Variants in PUS7 observed in about 807,000 individuals in gnomAD.
The protein encoded by PUS7 is pseudouridylate synthase 7 homolog.
Under a neutral mutation model 79.8 loss-of-function variants are expected in PUS7, and 48 were observed. The ratio of observed to expected loss-of-function variants is 0.60; its 90% CI spans 0.48 to 0.76. The LOEUF (loss-of-function observed/expected upper bound fraction) is 0.76, where lower values mean the gene tolerates loss of function less well. Among genes scored for constraint, PUS7 ranks in the 30% least tolerant of loss-of-function variants. The pLI is 0.00. For missense variants in PUS7, 729 were observed against 797.6 expected (o/e 0.91, Z 1.04); for synonymous variants, 286 against 272.2 (o/e 1.05, Z -0.50).
chr7:105,499,779 T>C (rs902028793), intron 5 of PUS7, among the ~76,000 whole-genome samples: 2 of 152,218 alleles, frequency 1.3e-5, no homozygotes, highest in Non-Finnish European at 2.9e-5. Flanking sequence ...TAACAATTTC[T>C]ATCAGGATCT....
chr7:105,521,550 T>C (rs1826112583), intron 1 of PUS7, among the ~76,000 whole-genome samples: 1 of 152,168 alleles, frequency 6.6e-6, no homozygotes. Context: ...TGGCGCCTAG[T>C]AGGCTCCCAG....
rs529075315 is a variant in PUS7, at chr7:105,502,375, C to T, written c.730+45G>A. ...AAGGCTAACGAGGAGCGGGGCCTGC[C>T]GCTCACGGCTGCCTGGCAGGAGGAA... On this transcript the variant is annotated intron_variant, in intron 5 of 15. Transcript: ENST00000469408. The T allele has an allele frequency of 4.7e-5, 76 of 1,610,486 alleles. 1 individual carries two copies. The South Asian group carries it at 7.7e-4, about 16-fold the overall frequency.
chr7:105,498,090 C>G (rs1825107870), intron 5 of PUS7, among the ~76,000 whole-genome samples: 1 of 152,194 alleles, frequency 6.6e-6, no homozygotes. Context: ...TGAGTTTTGG[C>G]TCACAAGCAT....
rs1823196582 is a variant in PUS7, at chr7:105,456,543, C to T, written c.*1247G>A. On this transcript the variant is annotated 3_prime_UTR_variant, in exon 16 of 16. Coordinates refer to ENST00000469408, the MANE Select transcript of PUS7 (RefSeq NM_019042.5). ...ATATTTATTTGATTTATTTACATAACCAGTAGAAAGGAGATTTTAAAAATA... is the reference window on the plus strand; with the variant it reads ...ATATTTATTTGATTTATTTACATAATCAGTAGAAAGGAGATTTTAAAAATA... 6.6e-6 allele frequency: 1 copy of T among 152,048 alleles called. No homozygotes were observed. Among genetic ancestry groups the T allele is most frequent in the African/African-American group, 2.4e-5 (1 of 41,406 alleles). The allele number at this position is 152,048 out of a possible 1,614,324, so 9.4% of individuals were successfully genotyped here. A position where few individuals can be genotyped will look rare whatever the true frequency, so the allele number is the denominator to read the frequency against.
intron 9 of PUS7, among the ~76,000 whole-genome samples, chr7:105,472,867 T>A (rs1772686153): frequency 6.6e-6 from 1 of 151,002 alleles, no homozygotes; most frequent in Admixed American, 6.6e-5. Flanking sequence ...CATTCTCCTG[T>A]CTCAGCCTCC....
intron 9 of PUS7, among the ~76,000 whole-genome samples, chr7:105,475,269 T>C (rs575069009): frequency 1.3e-5 from 2 of 152,242 alleles, no homozygotes; most frequent in South Asian, 4.1e-4. Flanking sequence ...CACTGCAAGC[T>C]CCGCCTCCCG....
At chr7:105,505,497 C>A (rs573217273) in intron 4 of PUS7, among the ~76,000 whole-genome samples, 1 of 152,292 alleles carries the variant, frequency 6.6e-6, no homozygotes, top group South Asian at 2.1e-4. Flanking sequence ...ACATACCTGA[C>A]AGACAGCAAA....
At chr7:105,460,307 C>T (rs7807869) in intron 14 of PUS7, among the ~76,000 whole-genome samples, 142,895 of 152,158 alleles carry the variant, frequency 0.94, 67,240 homozygotes, top group Middle Eastern at 0.98. Flanking sequence ...AAATTACTTA[C>T]GGCATTTACA....
chr7:105,475,420 T>A (rs370257583), intron 9 of PUS7, among the ~76,000 whole-genome samples: 5 of 151,246 alleles, frequency 3.3e-5, no homozygotes, highest in East Asian at 1.9e-4. Context: ...CTCCTGACCT[T>A]GTGATCTGCC....
chr7:105,520,127 C>T (rs1304733916), intron 1 of PUS7, among the ~76,000 whole-genome samples: 2 of 152,006 alleles, frequency 1.3e-5, no homozygotes. Context: ...AGTTCAAGAC[C>T]AGCCTGGCCA....
intron 6 of PUS7, among the ~76,000 whole-genome samples, chr7:105,494,413 T>G (rs1824918844): frequency 7.0e-6 from 1 of 142,586 alleles, no homozygotes; most frequent in Admixed American, 7.0e-5. Flanking sequence ...TTTTTTTTTT[T>G]TTTTTTTTTT....
At chr7:105,497,150 T>G (rs1168456079) in intron 5 of PUS7, among the ~76,000 whole-genome samples, 1 of 152,368 alleles carries the variant, frequency 6.6e-6, no homozygotes, top group East Asian at 1.9e-4. Context: ...TGGAATGTTT[T>G]AGAGGCAAAC....
chr7:105,482,383 C>A lies in PUS7; in HGVS notation c.978G>T (p.Gly326=), dbSNP rs1248868378. 1.2e-5 allele frequency: 19 copies of A among 1,611,536 alleles called. No individual in the cohort carries two copies. The highest frequency in any genetic ancestry group is 1.6e-5 in the Non-Finnish European group (19 of 1,178,296). The change falls in exon 8 of 16, where the codon GGG becomes GGT. Residue 326 remains glycine (G), a synonymous_variant. Coordinates refer to ENST00000469408, the MANE Select transcript of PUS7 (RefSeq NM_019042.5). ...GTGGGTTTTTTTGATAGCTGAAATTCCCTAGCTTAAAGTTCATCAAGCACT... is the reference window on the plus strand; with the variant it reads ...GTGGGTTTTTTTGATAGCTGAAATTACCTAGCTTAAAGTTCATCAAGCACT... ...LNKCLMNFKL[G]NFSYQKNPLK...
At chr7:105,474,544 G>A (rs1193580768) in intron 9 of PUS7, among the ~76,000 whole-genome samples, 4 of 149,180 alleles carry the variant, frequency 2.7e-5, no homozygotes, top group South Asian at 2.1e-4. Flanking sequence ...TGAGGCACGC[G>A]AATCACAAAG....
chr7:105,500,968 G>A (rs1373760940), intron 5 of PUS7, among the ~76,000 whole-genome samples: 1 of 152,146 alleles, frequency 6.6e-6, no homozygotes, highest in Non-Finnish European at 1.5e-5. Flanking sequence ...ACATCATCTG[G>A]CTTTTCTTTA....
intron 1 of PUS7, among the ~76,000 whole-genome samples, chr7:105,510,502 G>A (rs1825660581): frequency 6.6e-6 from 1 of 151,898 alleles, no homozygotes; most frequent in East Asian, 1.9e-4. Context: ...TGTACACGTG[G>A]TTAAAATGGC....
At position 105,482,460 on chromosome 7, in the gene PUS7, A is replaced by T; in HGVS notation, c.921-20T>A. 1 of 1,544,770 alleles carries T rather than the reference A, an allele frequency of 6.5e-7. No individual in the cohort carries two copies. Among genetic ancestry groups the T allele is most frequent in the Non-Finnish European group, 8.8e-7 (1 of 1,142,162 alleles). On this transcript the variant is annotated intron_variant, in intron 7 of 15. Transcript: ENST00000469408. ...GTTATTCTTTAAAAAAAAAAAAAAA[A>T]GCAACAAAACAAAAAAGAGTAGAAA... is the stretch of plus-strand genomic sequence containing the variant.
At chr7:105,486,200 C>T (rs1218317414) in intron 7 of PUS7, among the ~76,000 whole-genome samples, 1 of 151,870 alleles carries the variant, frequency 6.6e-6, no homozygotes, top group Non-Finnish European at 1.5e-5. Context: ...TTACAGACGC[C>T]TGCCACCAAG....
At chr7:105,509,917 G>A (rs1344708210) in intron 1 of PUS7, among the ~76,000 whole-genome samples, 1 of 152,184 alleles carries the variant, frequency 6.6e-6, no homozygotes, top group Non-Finnish European at 1.5e-5. Context: ...GCTGGGGACA[G>A]AGGTGGGAAA....
Sources: gnomAD v4.1 joint callset for allele counts (sites outside exome capture counted in the v4.1 genomes callset) on GRCh38, gnomAD v4.1.1 for gene constraint, MANE v1.5 for transcripts, NCBI Gene and HGNC (gene_info 2026-07-23, HGNC 2026-07-21) for gene names.